ZDHHC14: variants seen among roughly 807,000 people sequenced by gnomAD.
The protein encoded by ZDHHC14 is zDHHC palmitoyltransferase 14, also known as palmitoyltransferase ZDHHC14.
Under a neutral mutation model 47.7 loss-of-function variants are expected in ZDHHC14, and 16 were observed. The observed-to-expected ratio is 0.34, with a 90% confidence interval of 0.23 to 0.51. The LOEUF is 0.51. Among genes scored for constraint, ZDHHC14 ranks in the 20% least tolerant of loss-of-function variants. ZDHHC14 has a pLI of 0.97. For missense variants in ZDHHC14, 515 were observed against 662.5 expected, an observed-to-expected ratio of 0.78 and a Z score of 2.44; for synonymous variants, 293 against 278.9, an observed-to-expected ratio of 1.05 and a Z score of -0.50.
At chr6:157,544,011 C>T (rs138961064) in intron 2 of ZDHHC14, among the ~76,000 whole-genome samples, 21 of 152,302 alleles carry the variant, frequency 1.4e-4, no homozygotes, top group African/African-American at 4.1e-4. Context: ...TATTATTACA[C>T]CCATTTTACA....
intron 7 of ZDHHC14, among the ~76,000 whole-genome samples, chr6:157,652,777 G>T (rs1411724189): frequency 6.6e-6 from 1 of 152,218 alleles, no homozygotes; most frequent in Non-Finnish European, 1.5e-5. Context: ...GACAGATGTG[G>T]AAGAGGGGCT....
chr6:157,472,932 C>T (rs1779388689), intron 1 of ZDHHC14, among the ~76,000 whole-genome samples: 2 of 152,124 alleles, frequency 1.3e-5, no homozygotes, highest in African/African-American at 4.8e-5. Context: ...GTGTTGCTTC[C>T]TGAATAAAAT....
intron 8 of ZDHHC14, among the ~76,000 whole-genome samples, chr6:157,663,900 C>A (rs1359014551): frequency 6.6e-6 from 1 of 152,172 alleles, no homozygotes; most frequent in Non-Finnish European, 1.5e-5. Flanking sequence ...ATATTATCTC[C>A]ATTTTATAGA....
chr6:157,437,241 C>T (rs1778459349), intron 1 of ZDHHC14, among the ~76,000 whole-genome samples: 2 of 152,216 alleles, frequency 1.3e-5, no homozygotes, highest in Admixed American at 6.5e-5. Flanking sequence ...TTGTGCTGTA[C>T]TGTGCCTTCA....
At chr6:157,464,290 G>T (rs976185236) in intron 1 of ZDHHC14, among the ~76,000 whole-genome samples, 4 of 152,124 alleles carry the variant, frequency 2.6e-5, no homozygotes, top group Admixed American at 6.6e-5. Context: ...CACATACTTT[G>T]ATAACCTTGT....
intron 1 of ZDHHC14, among the ~76,000 whole-genome samples, chr6:157,538,044 G>T (rs1297831002): frequency 6.6e-6 from 1 of 152,164 alleles, no homozygotes; most frequent in African/African-American, 2.4e-5. Context: ...TGACCTCATT[G>T]TTTAGGGTTG....
chr6:157,558,136 C>T (rs1377864044), intron 2 of ZDHHC14, among the ~76,000 whole-genome samples: 1 of 152,134 alleles, frequency 6.6e-6, no homozygotes, highest in Non-Finnish European at 1.5e-5. Flanking sequence ...GTTACATTCT[C>T]TTTTTTTGTA....
chr6:157,440,557 A>C (rs1214398954), intron 1 of ZDHHC14, among the ~76,000 whole-genome samples: 4 of 152,256 alleles, frequency 2.6e-5, no homozygotes, highest in Non-Finnish European at 2.9e-5. Flanking sequence ...CATTTCTAGG[A>C]ATATACCCAA....
chr6:157,549,276 G>A (rs950667259), intron 2 of ZDHHC14, among the ~76,000 whole-genome samples: 3 of 152,210 alleles, frequency 2.0e-5, no homozygotes, highest in South Asian at 2.1e-4. Context: ...CGCGGCCGGC[G>A]GGCTTGGTTC....
chr6:157,588,541 C>T (rs113977297), intron 2 of ZDHHC14, among the ~76,000 whole-genome samples: 3 of 152,140 alleles, frequency 2.0e-5, no homozygotes, highest in South Asian at 2.1e-4. Flanking sequence ...ACATGCGAAT[C>T]ATGGGTACTG....
intron 1 of ZDHHC14, among the ~76,000 whole-genome samples, chr6:157,439,789 G>A (rs1778526188): frequency 6.6e-6 from 1 of 152,166 alleles, no homozygotes; most frequent in Non-Finnish European, 1.5e-5. Context: ...ACTAGATAAA[G>A]GCAATGTGGT....
intron 1 of ZDHHC14, among the ~76,000 whole-genome samples, chr6:157,477,925 T>C (rs1779531520): frequency 6.6e-6 from 1 of 152,238 alleles, no homozygotes; most frequent in African/African-American, 2.4e-5. Context: ...CGACGTTAAC[T>C]TTCTTTTGAC....
chr6:157,434,538 C>G (rs1778401910), intron 1 of ZDHHC14, among the ~76,000 whole-genome samples: 1 of 151,998 alleles, frequency 6.6e-6, no homozygotes, highest in African/African-American at 2.4e-5. Flanking sequence ...CCTCTGTGCC[C>G]TTAAACATTT....
chr6:157,574,313 C>A (rs1783216011), intron 2 of ZDHHC14, among the ~76,000 whole-genome samples: 1 of 152,116 alleles, frequency 6.6e-6, no homozygotes. Context: ...ATCCCAGCTA[C>A]TCCAGAGGCT....
At chr6:157,439,979 G>A (rs575317125) in intron 1 of ZDHHC14, among the ~76,000 whole-genome samples, 49 of 152,038 alleles carry the variant, frequency 3.2e-4, no homozygotes, top group Non-Finnish European at 6.3e-4. Context: ...TAGATACAGG[G>A]AGGGGAACAA....
chr6:157,585,100 G>A (rs919019914), intron 2 of ZDHHC14, among the ~76,000 whole-genome samples: 7 of 152,022 alleles, frequency 4.6e-5, no homozygotes, highest in Admixed American at 3.3e-4. Flanking sequence ...CCAGCTTCTC[G>A]GGAGGCTGAG....
chr6:157,657,501 T>G (rs554224265), intron 8 of ZDHHC14, among the ~76,000 whole-genome samples: 20 of 152,238 alleles, frequency 1.3e-4, no homozygotes, highest in Admixed American at 9.8e-4. Context: ...CCCCAGCGAA[T>G]CCATGCCCAG....
intron 1 of ZDHHC14, among the ~76,000 whole-genome samples, chr6:157,409,839 T>TG (rs898936402): frequency 0.02 from 3,007 of 150,388 alleles, 115 homozygotes; most frequent in African/African-American, 0.07. Context: ...TTTTATTTTT[T>TG]GGGGGGGGGG....
intron 1 of ZDHHC14, among the ~76,000 whole-genome samples, chr6:157,504,902 C>T (rs1219552637): frequency 6.6e-6 from 1 of 152,030 alleles, no homozygotes; most frequent in African/African-American, 2.4e-5. Flanking sequence ...CCTTTGCCTC[C>T]TGGGTTCAAG....
Sources: allele counts gnomAD v4.1 joint callset (sites outside exome capture counted in the v4.1 genomes callset), GRCh38; gene constraint gnomAD v4.1.1; transcripts MANE v1.5; gene names NCBI Gene and HGNC (gene_info 2026-07-23, HGNC 2026-07-21).